Variants in IQCH observed in about 807,000 individuals in gnomAD.
IQCH encodes the protein IQ motif containing H.
Under a neutral mutation model 117.0 loss-of-function variants are expected in IQCH, and 98 were observed. The ratio of observed to expected loss-of-function variants is 0.84; its 90% CI spans 0.71 to 0.99. The LOEUF is 0.99. Among genes scored for constraint, IQCH ranks in the 50% least tolerant of loss-of-function variants. The pLI is 0.00. For missense variants in IQCH, 1,102 were observed against 1,243.8 expected (o/e 0.89, Z 1.72); for synonymous variants, 412 against 448.2 (o/e 0.92, Z 1.02).
At chr15:67,276,767 A>G (rs1966142281) in intron 3 of IQCH, among the ~76,000 whole-genome samples, 2 of 151,562 alleles carry the variant, frequency 1.3e-5, no homozygotes, top group Admixed American at 6.6e-5. Context: ...TTTGTTTTTC[A>G]TAGTTTAAAT....
At chr15:67,336,517 A>C (rs1968898060) in intron 4 of IQCH, among the ~76,000 whole-genome samples, 1 of 152,208 alleles carries the variant, frequency 6.6e-6, no homozygotes, top group East Asian at 1.9e-4. Context: ...TCTGCAAAAG[A>C]ATCTACCCAG....
rs1307141182 is a variant in IQCH, at chr15:67,431,247, T to C, written c.2505+9670T>C. ...TTCCTGTTCCTCATATAAAAGTCTCTAAACAAATAGATTGGCAAAGATGCT... is the reference window on the plus strand; with the variant it reads ...TTCCTGTTCCTCATATAAAAGTCTCCAAACAAATAGATTGGCAAAGATGCT... On this transcript the variant is annotated intron_variant, in intron 16 of 20. Coordinates refer to ENST00000335894, the MANE Select transcript of IQCH (RefSeq NM_001031715.3). The surrounding 1 kb of genome is among the most constrained non-coding windows in gnomAD (Gnocchi z 4.8). 6.6e-6 allele frequency among the ~76,000 whole-genome samples: 1 copy of C among 152,166 alleles called. No homozygotes were observed. Among genetic ancestry groups the C allele is most frequent in the Non-Finnish European group, 1.5e-5 (1 of 68,042 alleles).
chr15:67,438,610 T>C (rs2082194167), intron 16 of IQCH, among the ~76,000 whole-genome samples: 1 of 152,336 alleles, frequency 6.6e-6, no homozygotes, highest in East Asian at 1.9e-4. Context: ...ACTTAAAAGA[T>C]ACAGAACTGT....
intron 4 of IQCH, among the ~76,000 whole-genome samples, chr15:67,329,810 T>G (rs1174560601): frequency 8.8e-6 from 1 of 113,322 alleles, no homozygotes; most frequent in Non-Finnish European, 1.8e-5. Context: ...AATTCAAATT[T>G]GAGTGAATTA....
chr15:67,293,976 A>C (rs1966838923), intron 4 of IQCH, among the ~76,000 whole-genome samples: 1 of 152,200 alleles, frequency 6.6e-6, no homozygotes, highest in Non-Finnish European at 1.5e-5. Flanking sequence ...ACCAGAGAAT[A>C]TGACTTGCAA....
chr15:67,269,020 GC>G lies in IQCH; in HGVS notation c.269+5805del, dbSNP rs1208137117. Among the ~76,000 whole-genome samples, 3 of 139,956 alleles carry G rather than the reference GC, an allele frequency of 2.1e-5. No individual in the cohort carries two copies. In the Admixed American group the frequency reaches 2.3e-4, roughly 11 times the overall value. 91.8% of individuals were successfully genotyped at this position (139,956 alleles called of 152,430 possible). On this transcript the variant is annotated intron_variant, in intron 3 of 20. Coordinates refer to ENST00000335894, the MANE Select transcript of IQCH (RefSeq NM_001031715.3). ...AGATTCTTAAATACAAAGTACACTT[GC>G]TAAAAAAAAAAAAACCAACACTTGA...
At chr15:67,373,079 G>C (rs1329297814) in intron 9 of IQCH, among the ~76,000 whole-genome samples, 1 of 151,574 alleles carries the variant, frequency 6.6e-6, no homozygotes, top group East Asian at 1.9e-4. Context: ...AAGTATTTAA[G>C]TTTGCAGACA....
chr15:67,405,287 A>C lies in IQCH; in HGVS notation c.2097+4982A>C, dbSNP rs1387446052. The C allele has an allele frequency of 6.6e-6, 1 of 152,066 alleles. No individual in the cohort carries two copies. The highest frequency in any genetic ancestry group is 2.4e-5 in the African/African-American group (1 of 41,402). 9.4% of individuals were successfully genotyped at this position (152,066 alleles called of 1,614,324 possible). A position where few individuals can be genotyped will look rare whatever the true frequency, so the allele number is the denominator to read the frequency against. ...TTATATGTTGAAATCTTGATGTCTTAGATTATCTTTATGTATTTAGTGGTT... is the reference window on the plus strand; with the variant it reads ...TTATATGTTGAAATCTTGATGTCTTCGATTATCTTTATGTATTTAGTGGTT... On this transcript the variant is annotated intron_variant, in intron 14 of 20. Coordinates refer to ENST00000335894, the MANE Select transcript of IQCH (RefSeq NM_001031715.3). The surrounding 1 kb of genome is among the most constrained non-coding windows in gnomAD (Gnocchi z 4.8).
chr15:67,409,623 T>TTATATACC (rs1192893118), intron 14 of IQCH, among the ~76,000 whole-genome samples: 1 of 152,148 alleles, frequency 6.6e-6, no homozygotes, highest in Non-Finnish European at 1.5e-5. Context: ...AAGTATGGAA[T>TTATATACC]TATATACCGC....
chr15:67,474,135 G>C lies in IQCH; in HGVS notation c.2677-1561G>C, dbSNP rs1020962375. 5.9e-5 allele frequency among the ~76,000 whole-genome samples: 9 copies of C among 151,454 alleles called. No individual in the cohort carries two copies. Among genetic ancestry groups the C allele is most frequent in the Non-Finnish European group, 4.4e-5 (3 of 67,896 alleles). On this transcript the variant is annotated intron_variant, in intron 17 of 20. Coordinates refer to ENST00000335894, the MANE Select transcript of IQCH (RefSeq NM_001031715.3). The surrounding 1 kb of genome is among the most constrained non-coding windows in gnomAD (Gnocchi z 4.1). ...GGAGAGAGGGATGCAGGAGAGGAAAGGAGGTCTATTCTCTGCAGAGCACTC... is the reference window on the plus strand; with the variant it reads ...GGAGAGAGGGATGCAGGAGAGGAAACGAGGTCTATTCTCTGCAGAGCACTC...
Position 67,372,351 on chromosome 15 carries a change from G to A in IQCH, c.994G>A (p.Glu332Lys). The A allele has an allele frequency of 6.2e-7, 1 of 1,614,074 alleles. No individual in the cohort carries two copies. Among genetic ancestry groups the A allele is most frequent in the Non-Finnish European group, 8.5e-7 (1 of 1,180,014 alleles). The stretch of plus-strand genomic sequence containing the variant: ...TTTGGTGGCCCTCCTTCCAGAGTTT[G>A]AGCTGACGAATAAACTTACCAGATA... ...NNLVALLPEF[E>K]LTNKLTRYDL... Residue 332 changes from glutamate to lysine, a missense_variant, in exon 9 of 21, where the codon GAG (glutamate) becomes AAG (lysine). Around this residue, in one of 2 missense-constraint regions of IQCH, gnomAD observed 452 missense variants for 449.6 expected, o/e 1.01. Transcript: ENST00000335894.
chr15:67,343,319 A>G (rs555371202), intron 5 of IQCH, among the ~76,000 whole-genome samples: 2 of 152,330 alleles, frequency 1.3e-5, no homozygotes, highest in African/African-American at 4.8e-5. Context: ...GTAGTCCCCA[A>G]GTTTTAGGTT....
chr15:67,343,017 A>T (rs1969237568), intron 5 of IQCH, among the ~76,000 whole-genome samples: 1 of 152,206 alleles, frequency 6.6e-6, no homozygotes, highest in South Asian at 2.1e-4. Flanking sequence ...TCAGTGTTTT[A>T]CAAGTGAACT....
rs1971339256 is a variant in IQCH at position 67,393,045 on chromosome 15, C to T, written c.1633-2246C>T. ...CATTCACATTGTTGTACAACCATTA[C>T]CACTATCAATTTCAGAACTTTTTAT... On this transcript the variant is annotated intron_variant, in intron 12 of 20. Transcript: ENST00000335894. The surrounding 1 kb of genome is among the most constrained non-coding windows in gnomAD (Gnocchi z 5.5). Among the ~76,000 whole-genome samples the T allele has an allele frequency of 6.6e-6, 1 of 152,060 alleles. No homozygotes were observed. Among genetic ancestry groups the T allele is most frequent in the Admixed American group, 6.6e-5 (1 of 15,256 alleles).
At chr15:67,282,465 A>C (rs929268433) in intron 4 of IQCH, among the ~76,000 whole-genome samples, 7 of 152,062 alleles carry the variant, frequency 4.6e-5, no homozygotes, top group African/African-American at 1.7e-4. Flanking sequence ...AGGATGGGTG[A>C]GCTTCACTTA....
chr15:67,340,803 G>A (rs1480634769), intron 5 of IQCH, among the ~76,000 whole-genome samples: 1 of 152,148 alleles, frequency 6.6e-6, no homozygotes, highest in African/African-American at 2.4e-5. Context: ...CTGGAGACAG[G>A]AAAACATTCT....
chr15:67,343,986 C>T, intron 5 of IQCH, 77 bp from the exon 6 acceptor site: 2 of 1,316,188 alleles, frequency 1.5e-6, no homozygotes, highest in South Asian at 2.7e-5. Context: ...GTAAGTTACA[C>T]TTGTGAAATT....
At chr15:67,353,363 T>A (rs150172659) in intron 6 of IQCH, among the ~76,000 whole-genome samples, 3 of 14,470 alleles carry the variant, frequency 2.1e-4, no homozygotes, top group Non-Finnish European at 3.5e-4. Context: ...TATTTATTTA[T>A]TTTTTTTTTT....
Position 67,413,731 on chromosome 15 carries a change from C to G in IQCH, c.2098-3200C>G, listed in dbSNP as rs559436959. ...GAGAATGAATCATGGCCCCAAGCTG[C>G]CTCTGTGTGCCCCAGCATCCCTACT... On this transcript the variant is annotated intron_variant, in intron 14 of 20. Transcript: ENST00000335894. This position sits in a 1 kb window ranked among gnomAD's most constrained non-coding sequence, Gnocchi z 5.0. Among the ~76,000 whole-genome samples, 1 of 152,304 alleles carries G rather than the reference C, an allele frequency of 6.6e-6. No individual in the cohort carries two copies. The highest frequency in any genetic ancestry group is 2.4e-5 in the African/African-American group (1 of 41,548).
Sources: gnomAD v4.1 joint callset for allele counts (sites outside exome capture counted in the v4.1 genomes callset) on GRCh38, gnomAD v4.1.1 for gene constraint, gnomAD v4.1.1 regional missense constraint, Gnocchi (gnomAD v3.1) non-coding constraint, MANE v1.5 for transcripts, NCBI Gene and HGNC (gene_info 2026-07-23, HGNC 2026-07-21) for gene names.